The following GTF2A1L variants were observed in gnomAD, a reference collection of about 807,000 sequenced individuals.
GTF2A1L encodes TFIIA-alpha and beta-like factor.
A neutral mutation model predicts 49.7 loss-of-function variants in GTF2A1L; 48 were observed. The ratio of observed to expected loss-of-function variants is 0.97; its 90% CI spans 0.77 to 1.23. GTF2A1L has a LOEUF of 1.23. Among genes scored for constraint, GTF2A1L ranks in the 50% most tolerant of loss-of-function variants. The pLI, the probability that GTF2A1L is intolerant of heterozygous loss-of-function variation, is 0.00. For synonymous variants in GTF2A1L, 246 were observed against 193.5 expected, an observed-to-expected ratio of 1.27 and a Z score of -2.25; for missense variants, 736 against 564.8, an observed-to-expected ratio of 1.30 and a Z score of -3.07.
chr2:48,628,365 C>T lies in GTF2A1L; in HGVS notation c.247+7075C>T, dbSNP rs1426201915. On this transcript the variant is annotated intron_variant, in intron 3 of 8. Coordinates refer to ENST00000403751, the MANE Select transcript of GTF2A1L (RefSeq NM_006872.5). Reference sequence around the variant, plus strand: ...CAACAGTGTACAAGTGTTCTTTTTTCTCTGCAGCCTTGCCAGCATTGGTTG... The same window carrying T: ...CAACAGTGTACAAGTGTTCTTTTTTTTCTGCAGCCTTGCCAGCATTGGTTG... 2.1e-5 allele frequency among the ~76,000 whole-genome samples: 3 copies of T among 144,196 alleles called. 1 individual carries two copies. The highest frequency in any genetic ancestry group is 7.4e-5 in the African/African-American group (3 of 40,530). 94.6% of individuals were successfully genotyped at this position (144,196 alleles called of 152,430 possible). A position where few individuals can be genotyped will look rare whatever the true frequency, so the allele number is the denominator to read the frequency against.
At position 48,645,047 on chromosome 2, in the gene GTF2A1L, C is replaced by T; in HGVS notation, c.318C>T (p.Ser106=). The T allele has an allele frequency of 1.2e-6, 2 of 1,611,644 alleles. No homozygotes were observed. The highest frequency in any genetic ancestry group is 1.1e-5 in the South Asian group (1 of 90,466). ...FTTAELGTSN[S]SANFTFPGYP... is the part of the protein sequence containing the mutation. ...CTTATATCTAGGGCACTTCAAACTC[C>T]AGTGCAAACTTTACTTTTCCTGGTT... The change falls in exon 5 of 9, where the codon TCC becomes TCT. Residue 106 remains serine (S), a synonymous_variant. Coordinates refer to ENST00000403751, the MANE Select transcript of GTF2A1L (RefSeq NM_006872.5).
chr2:48,671,741 T>A, intron 8 of GTF2A1L, 61 bp downstream of exon 8: 1 of 1,436,018 alleles, frequency 7.0e-7, no homozygotes, highest in Non-Finnish European at 9.6e-7. Context: ...GAAAGGTATG[T>A]AAAATGATGG....
intron 4 of GTF2A1L, among the ~76,000 whole-genome samples, chr2:48,644,234 G>A (rs1677370009): frequency 6.6e-6 from 1 of 152,114 alleles, no homozygotes; most frequent in African/African-American, 2.4e-5. Context: ...TATACTCCAA[G>A]AATAAATGTT....
At position 48,669,742 on chromosome 2, in the gene GTF2A1L, T is replaced by C; in HGVS notation, c.999T>C (p.Asp333=). 1 of 1,611,914 alleles carries C rather than the reference T, an allele frequency of 6.2e-7. No homozygotes were observed. The highest frequency in any genetic ancestry group is 1.1e-5 in the South Asian group (1 of 90,706). The change falls in exon 7 of 9, where the codon GAT becomes GAC. Residue 333 remains aspartate, a synonymous_variant. Coordinates refer to ENST00000403751, the MANE Select transcript of GTF2A1L (RefSeq NM_006872.5). The part of the protein sequence containing the change: ...VSEKDSNSQV[D]LSIRVTDDDI... Reference sequence around the variant, plus strand: ...TTTAGGATTCTAATTCTCAGGTGGATTTAAGCATTCGGGTTACTGATGATG... The same window carrying C: ...TTTAGGATTCTAATTCTCAGGTGGACTTAAGCATTCGGGTTACTGATGATG...
intron 8 of GTF2A1L, among the ~76,000 whole-genome samples, chr2:48,675,886 C>T (rs1171155878): frequency 6.6e-6 from 1 of 151,376 alleles, no homozygotes; most frequent in African/African-American, 2.4e-5. Context: ...ATATATCTCT[C>T]TATATAATAG....
chr2:48,641,649 C>A (rs544790900), intron 3 of GTF2A1L, among the ~76,000 whole-genome samples: 1 of 152,170 alleles, frequency 6.6e-6, no homozygotes, highest in East Asian at 1.9e-4. Context: ...CAACTAAGAT[C>A]CTTCTACTGT....
intron 8 of GTF2A1L, among the ~76,000 whole-genome samples, chr2:48,674,441 G>A (rs1679351492): frequency 1.3e-5 from 2 of 151,586 alleles, no homozygotes; most frequent in Non-Finnish European, 1.5e-5. Context: ...TTGAATTGCT[G>A]TAAAAAGAAA....
At chr2:48,622,833 T>A (rs1270490990) in intron 3 of GTF2A1L, among the ~76,000 whole-genome samples, 35 of 128,378 alleles carry the variant, frequency 2.7e-4, no homozygotes, top group African/African-American at 7.0e-4. Flanking sequence ...GACTCCATCT[T>A]AAAAAAAAAA....
intron 6 of GTF2A1L, among the ~76,000 whole-genome samples, chr2:48,655,591 C>T (rs1678124165): frequency 1.3e-5 from 2 of 152,126 alleles, no homozygotes; most frequent in Non-Finnish European, 2.9e-5. Context: ...CCAGTTTTTC[C>T]TGCCACCAGT....
At chr2:48,674,007 A>T (rs1402952996) in intron 8 of GTF2A1L, among the ~76,000 whole-genome samples, 1 of 152,122 alleles carries the variant, frequency 6.6e-6, no homozygotes, top group Admixed American at 6.5e-5. Context: ...GCCAGAACAC[A>T]TATGGGGTAA....
At chr2:48,674,596 T>C (rs2104320220) in intron 8 of GTF2A1L, among the ~76,000 whole-genome samples, 1 of 152,274 alleles carries the variant, frequency 6.6e-6, no homozygotes, top group South Asian at 2.1e-4. Context: ...AAACTTGTTT[T>C]AGTTTCTTAT....
intron 5 of GTF2A1L, among the ~76,000 whole-genome samples, chr2:48,645,810 G>A (rs967836913): frequency 6.6e-6 from 1 of 152,006 alleles, no homozygotes; most frequent in African/African-American, 2.4e-5. Flanking sequence ...CACCACGCCC[G>A]GCTAATTTTT....
chr2:48,619,983 A>T (rs896586570), intron 1 of GTF2A1L, among the ~76,000 whole-genome samples: 11 of 152,198 alleles, frequency 7.2e-5, no homozygotes, highest in Non-Finnish European at 1.5e-4. Context: ...GTATTTGATA[A>T]TGGTCCAGAA....
intron 1 of GTF2A1L, among the ~76,000 whole-genome samples, chr2:48,620,268 A>C (rs1186464211): frequency 1.3e-5 from 2 of 152,360 alleles, no homozygotes; most frequent in Non-Finnish European, 2.9e-5. Flanking sequence ...ATAACCATGC[A>C]TCTTTGAGAT....
At chr2:48,653,971 A>G (rs1196883591) in intron 6 of GTF2A1L, among the ~76,000 whole-genome samples, 3 of 150,102 alleles carry the variant, frequency 2.0e-5, no homozygotes, top group Non-Finnish European at 4.4e-5. Flanking sequence ...ATTTATATGT[A>G]GATTTTATAT....
chr2:48,648,669 G>C (rs1453636280), intron 6 of GTF2A1L, among the ~76,000 whole-genome samples: 1 of 152,022 alleles, frequency 6.6e-6, no homozygotes, highest in East Asian at 1.9e-4. Context: ...AGAATTATCA[G>C]AGATAATATA....
chr2:48,653,920 C>A (rs1336338387), intron 6 of GTF2A1L, among the ~76,000 whole-genome samples: 111 of 108,622 alleles, frequency 1.0e-3, no homozygotes, highest in South Asian at 1.9e-3. Flanking sequence ...GACTGTGTCT[C>A]AAAAAAAAAA....
intron 3 of GTF2A1L, among the ~76,000 whole-genome samples, chr2:48,640,180 AG>A (rs1677123694): frequency 6.6e-6 from 1 of 152,210 alleles, no homozygotes; most frequent in African/African-American, 2.4e-5. Flanking sequence ...TATTTGACCC[AG>A]CAATCTCATT....
chr2:48,646,598 G>A lies in GTF2A1L; in HGVS notation c.534G>A (p.Trp178Ter). ...CTAGTGTTCCACAATTGAATCCATG[G>A]TCTCTTCAAGCAACTACTGAAAAAT... ...IQTSVPQLNP[W>*]SLQATTEKSQ... The change falls in exon 6 of 9, where the codon TGG (tryptophan) becomes TGA (stop). Residue 178 changes from tryptophan (W) to a stop codon, truncating the protein, a stop_gained. Coordinates refer to ENST00000403751, the MANE Select transcript of GTF2A1L (RefSeq NM_006872.5). LOFTEE classifies it high-confidence loss of function. 1 of 1,614,016 alleles carries A rather than the reference G, an allele frequency of 6.2e-7. No homozygotes were observed. The highest frequency in any genetic ancestry group is 8.5e-7 in the Non-Finnish European group (1 of 1,180,014).
Sources: gnomAD v4.1 joint callset for allele counts (sites outside exome capture counted in the v4.1 genomes callset) on GRCh38, gnomAD v4.1.1 for gene constraint, MANE v1.5 for transcripts, NCBI Gene and HGNC (gene_info 2026-07-23, HGNC 2026-07-21) for gene names.